Variants in RBFOX1 observed in about 807,000 individuals in gnomAD.
RBFOX1 encodes the protein RNA binding protein fox-1 homolog 1.
In RBFOX1, 8 loss-of-function variants were observed where a neutral mutation model predicts 57.7. The observed-to-expected ratio is 0.14, with a 90% CI of 0.08 to 0.25. The LOEUF is 0.25. Ranked by LOEUF, RBFOX1 falls within the 10% of genes least tolerant of loss-of-function variation. The probability of loss-of-function intolerance (pLI) is 1.00; values close to 1 mark genes in which losing one functional copy is unlikely to be tolerated. For synonymous variants in RBFOX1, 326 were observed against 222.4 expected (o/e 1.47, Z -4.15); for missense variants, 611 against 548.5 (o/e 1.11, Z -1.14).
intron 3 of RBFOX1, among the ~76,000 whole-genome samples, chr16:6,760,497 C>A (rs1423228890): frequency 6.6e-6 from 1 of 152,192 alleles, no homozygotes; most frequent in Admixed American, 6.5e-5. Flanking sequence ...TACCAGCAAT[C>A]ACAGCGGACT....
rs535621055 is a variant in RBFOX1, at chr16:6,441,717, C to A, written c.-64+124660C>A. Reference sequence around the variant, plus strand: ...ACAGGTGTGAGCCACCTCGTGCAGTCAGCTTCATTTTCTCTTATTTCTGAC... The same window carrying A: ...ACAGGTGTGAGCCACCTCGTGCAGTAAGCTTCATTTTCTCTTATTTCTGAC... On this transcript the variant is annotated intron_variant, in intron 2 of 15. Coordinates refer to ENST00000550418, the MANE Select transcript of RBFOX1 (RefSeq NM_018723.4). 8.5e-5 allele frequency among the ~76,000 whole-genome samples: 13 copies of A among 152,258 alleles called. No individual in the cohort carries two copies. In the South Asian group the frequency reaches 2.7e-3, roughly 32 times the overall value.
chr16:6,691,576 T>C (rs1195191654), intron 3 of RBFOX1, among the ~76,000 whole-genome samples: 2 of 152,210 alleles, frequency 1.3e-5, no homozygotes, highest in Non-Finnish European at 2.9e-5. Flanking sequence ...TCATTTGATA[T>C]CATCTTTACA....
chr16:5,852,337 G>A (rs1381895078), intron 3 of RBFOX1, among the ~76,000 whole-genome samples: 1 of 152,144 alleles, frequency 6.6e-6, no homozygotes, highest in East Asian at 1.9e-4. Flanking sequence ...TCACAGGAAG[G>A]GCCTGTCTAG....
intron 1 of RBFOX1, among the ~76,000 whole-genome samples, chr16:5,405,541 C>T (rs187947816): frequency 5.8e-4 from 88 of 152,244 alleles, no homozygotes; most frequent in African/African-American, 2.1e-3. Flanking sequence ...TCAGGTATGT[C>T]TTTATTAGCT....
chr16:7,215,552 C>A (rs1441996892), intron 4 of RBFOX1, among the ~76,000 whole-genome samples: 1 of 152,044 alleles, frequency 6.6e-6, no homozygotes, highest in Non-Finnish European at 1.5e-5. Context: ...GTGTACAGTT[C>A]AATGTTTTGT....
At chr16:7,229,591 GAGGAAGGA>G (rs367952346) in intron 4 of RBFOX1, among the ~76,000 whole-genome samples, 8 of 129,478 alleles carry the variant, frequency 6.2e-5, no homozygotes, top group Non-Finnish European at 7.8e-5. Context: ...AAGGGAGAGA[GAGGAAGGA>G]AGGAAGGAAG....
At chr16:6,319,935 C>T (rs578068931) in intron 2 of RBFOX1, among the ~76,000 whole-genome samples, 2 of 151,958 alleles carry the variant, frequency 1.3e-5, no homozygotes, top group Non-Finnish European at 2.9e-5. Flanking sequence ...TTATGTTTGT[C>T]TTTTTCTTTG....
chr16:7,216,255 C>T (rs997904095), intron 4 of RBFOX1, among the ~76,000 whole-genome samples: 1 of 152,138 alleles, frequency 6.6e-6, no homozygotes. Flanking sequence ...TAGTTAAGAA[C>T]ATCGGAAAGT....
chr16:7,024,742 T>C (rs1002405130), intron 3 of RBFOX1, among the ~76,000 whole-genome samples: 1 of 152,196 alleles, frequency 6.6e-6, no homozygotes, highest in East Asian at 1.9e-4. Context: ...CTGGACTTGA[T>C]TGTCTTTCAG....
chr16:6,999,302 C>G (rs943994383), intron 3 of RBFOX1, among the ~76,000 whole-genome samples: 2 of 149,984 alleles, frequency 1.3e-5, no homozygotes, highest in Non-Finnish European at 3.0e-5. Flanking sequence ...AGCGGTCCAC[C>G]TGCCTCGGCC....
chr16:7,077,590 C>T (rs1012514425), intron 4 of RBFOX1, among the ~76,000 whole-genome samples: 11 of 152,184 alleles, frequency 7.2e-5, no homozygotes, highest in Admixed American at 4.6e-4. Flanking sequence ...CTAAGTTCCT[C>T]AGCAAATGTT....
chr16:7,171,163 G>A (rs1024585061), intron 4 of RBFOX1, among the ~76,000 whole-genome samples: 2 of 152,132 alleles, frequency 1.3e-5, no homozygotes, highest in South Asian at 2.1e-4. Flanking sequence ...ATTGCCAGTC[G>A]GCAATTGGCG....
chr16:7,335,576 C>T (rs970718116), intron 4 of RBFOX1, among the ~76,000 whole-genome samples: 8 of 117,994 alleles, frequency 6.8e-5, no homozygotes, highest in Non-Finnish European at 1.2e-4. Context: ...TTAGTTGCCT[C>T]AGATAAAGAA....
chr16:6,904,063 G>A (rs1328411351), intron 3 of RBFOX1, among the ~76,000 whole-genome samples: 1 of 152,110 alleles, frequency 6.6e-6, no homozygotes, highest in African/African-American at 2.4e-5. Flanking sequence ...TACCCCCATG[G>A]GGGCTGTGCG....
intron 1 of RBFOX1, among the ~76,000 whole-genome samples, chr16:5,448,586 C>T (rs568164460): frequency 2.0e-5 from 3 of 152,168 alleles, no homozygotes; most frequent in Non-Finnish European, 4.4e-5. Flanking sequence ...CCCCATGGAA[C>T]TGCACTGAGT....
At chr16:7,506,789 A>G (rs903329834) in intron 4 of RBFOX1, among the ~76,000 whole-genome samples, 12 of 138,006 alleles carry the variant, frequency 8.7e-5, no homozygotes, top group African/African-American at 2.7e-4. Context: ...CAAAGGTACC[A>G]TAATGAGGTA....
At chr16:7,242,578 T>C (rs2094119997) in intron 4 of RBFOX1, among the ~76,000 whole-genome samples, 1 of 152,226 alleles carries the variant, frequency 6.6e-6, no homozygotes, top group Non-Finnish European at 1.5e-5. Context: ...GGAGGTCTCT[T>C]CGCCATTGGC....
At chr16:5,514,526 A>G (rs2043720402) in intron 2 of RBFOX1, among the ~76,000 whole-genome samples, 3 of 152,182 alleles carry the variant, frequency 2.0e-5, no homozygotes, top group Admixed American at 2.0e-4. Flanking sequence ...CATGAGTGAC[A>G]GGGCAGAAGG....
rs1158100977 is a variant in RBFOX1, at chr16:5,984,966, ATATATATATATTT to A, written c.351+117633_351+117645del. ...CTCCATTATATATATATATATATAT[ATATATATATATTT>A]TTTTTTTTTTTTTTTTTCTTTGAGA... On this transcript the variant is annotated intron_variant, in intron 4 of 19. Transcript: ENST00000641259. Among the ~76,000 whole-genome samples, 132 of 56,646 alleles carry A rather than the reference ATATATATATATTT, an allele frequency of 2.3e-3. 1 individual carries two copies. The highest frequency in any genetic ancestry group is 0.011 in the African/African-American group (127 of 12,028). The allele number at this position is 56,646 out of a possible 152,430, so 37.2% of individuals were successfully genotyped here.
Sources: allele counts gnomAD v4.1 joint callset (sites outside exome capture counted in the v4.1 genomes callset), GRCh38; gene constraint gnomAD v4.1.1; transcripts MANE v1.5; gene names NCBI Gene and HGNC (gene_info 2026-07-23, HGNC 2026-07-21).